Variants in TMEM131 observed in about 807,000 individuals in gnomAD.
The protein encoded by TMEM131 is transmembrane protein 131.
Under a neutral mutation model 211.6 loss-of-function variants are expected in TMEM131, and 66 were observed. That is an observed-to-expected ratio of 0.31 (90% CI 0.26 to 0.38). The LOEUF (loss-of-function observed/expected upper bound fraction) is 0.38, where lower values mean the gene tolerates loss of function less well. TMEM131 is among the 10% of genes least tolerant of loss of function. TMEM131 has a pLI of 1.00. For missense variants in TMEM131, 2,036 were observed against 2,299.3 expected, an observed-to-expected ratio of 0.89 and a Z score of 2.34; for synonymous variants, 844 against 841.3, an observed-to-expected ratio of 1.00 and a Z score of -0.06.
chr2:97,847,048 G>C (rs529937301), intron 5 of TMEM131, among the ~76,000 whole-genome samples: 1 of 138,890 alleles, frequency 7.2e-6, no homozygotes, highest in Non-Finnish European at 1.6e-5. Flanking sequence ...GTGTGATGGC[G>C]CGTGCCTGTA....
At chr2:97,909,938 T>C (rs1676226913) in intron 2 of TMEM131, among the ~76,000 whole-genome samples, 1 of 152,178 alleles carries the variant, frequency 6.6e-6, no homozygotes, top group Non-Finnish European at 1.5e-5. Flanking sequence ...TTATGAAAAT[T>C]ACATCTATTC....
chr2:97,928,315 G>GATTTAGTTA (rs1559453861), intron 1 of TMEM131, among the ~76,000 whole-genome samples: 25 of 152,022 alleles, frequency 1.6e-4, no homozygotes, highest in African/African-American at 5.6e-4. Flanking sequence ...TGGTTGCTAG[G>GATTTAGTTA]AGATCAGGGG....
At chr2:97,888,204 T>A (rs577914000) in intron 3 of TMEM131, 84 bp from the exon 4 acceptor site, 1 of 1,163,976 alleles carries the variant, frequency 8.6e-7, no homozygotes, top group African/African-American at 1.5e-5. Context: ...CTGACTTTTG[T>A]CATAACAATG....
chr2:97,931,279 A>G (rs1404603014), intron 1 of TMEM131, among the ~76,000 whole-genome samples: 1 of 151,794 alleles, frequency 6.6e-6, no homozygotes, highest in Non-Finnish European at 1.5e-5. Flanking sequence ...ACCGACCCAC[A>G]TCTCTAAGCT....
chr2:97,825,992 G>A (rs1682365152), intron 11 of TMEM131, among the ~76,000 whole-genome samples: 1 of 152,182 alleles, frequency 6.6e-6, no homozygotes, highest in African/African-American at 2.4e-5. Context: ...TACATGTGTG[G>A]CCCTCAGCCC....
At position 97,961,830 on chromosome 2, in the gene TMEM131, G is replaced by A. The variant is rs893906791; in HGVS notation, c.187+33646C>T. ...TGCTGCAACAGCTGAATATGCAAATGCACTTTAAAAAGTGAACTTACGGGA... is the reference window on the plus strand; with the variant it reads ...TGCTGCAACAGCTGAATATGCAAATACACTTTAAAAAGTGAACTTACGGGA... On this transcript the variant is annotated intron_variant, in intron 1 of 40. Transcript: ENST00000186436. Among the ~76,000 whole-genome samples the A allele has an allele frequency of 1.7e-4, 26 of 152,184 alleles. 1 individual carries two copies. The highest frequency in any genetic ancestry group is 6.2e-4 in the South Asian group (3 of 4,836).
chr2:97,949,783 G>T (rs902841297), intron 1 of TMEM131, among the ~76,000 whole-genome samples: 2 of 127,014 alleles, frequency 1.6e-5, no homozygotes, highest in Non-Finnish European at 3.1e-5. Context: ...CCATGCCACC[G>T]CACTCCAGCC....
At chr2:97,835,016 A>T in intron 8 of TMEM131, 91 bp from the exon 9 acceptor site, 5 of 1,382,440 alleles carry the variant, frequency 3.6e-6, no homozygotes, top group Non-Finnish European at 5.0e-6. Context: ...TGACTGAAAG[A>T]TGAGTATTCT....
intron 1 of TMEM131, among the ~76,000 whole-genome samples, chr2:97,971,495 G>A (rs184450075): frequency 3.3e-5 from 5 of 152,282 alleles, no homozygotes; most frequent in East Asian, 1.9e-4. Context: ...GTTTCTATAC[G>A]TTGCCAAATG....
At chr2:97,892,425 A>G (rs757999494) in intron 3 of TMEM131, among the ~76,000 whole-genome samples, 1 of 152,114 alleles carries the variant, frequency 6.6e-6, no homozygotes, top group African/African-American at 2.4e-5. Context: ...TAGTGGTCCA[A>G]TCATGGGTCA....
At chr2:97,869,803 T>C (rs371045861) in intron 4 of TMEM131, among the ~76,000 whole-genome samples, 1 of 152,236 alleles carries the variant, frequency 6.6e-6, no homozygotes, top group African/African-American at 2.4e-5. Flanking sequence ...TGCTTTTCTA[T>C]ACTATGTAAC....
intron 4 of TMEM131, among the ~76,000 whole-genome samples, chr2:97,886,307 T>C (rs1178643978): frequency 6.6e-6 from 1 of 152,242 alleles, no homozygotes; most frequent in Non-Finnish European, 1.5e-5. Context: ...TGTTTTCCTT[T>C]GGAGGCGTCA....
At position 97,995,604 on chromosome 2, in the gene TMEM131, G is replaced by A; in HGVS notation, c.59C>T (p.Ser20Phe). 8.0e-7 allele frequency: 1 copy of A among 1,249,478 alleles called. No homozygotes were observed. Among genetic ancestry groups the A allele is most frequent in the Non-Finnish European group, 1.0e-6 (1 of 997,396 alleles). 77.4% of individuals were successfully genotyped at this position (1,249,478 alleles called of 1,614,324 possible). ...TGATTAAVST[S>F]AGAGLEPAAA... The stretch of plus-strand genomic sequence containing the variant: ...CGCAGGTTCCAGCCCGGCCCCGGCG[G>A]ACGTGGAGACGGCGGCGGTGGTGGC... Residue 20 changes from serine to phenylalanine, a missense_variant, in exon 1 of 41, where the codon TCC becomes TTC. Coordinates refer to ENST00000186436, the MANE Select transcript of TMEM131 (RefSeq NM_015348.2).
At chr2:97,861,575 C>G (rs1340758246) in intron 4 of TMEM131, among the ~76,000 whole-genome samples, 1 of 151,746 alleles carries the variant, frequency 6.6e-6, no homozygotes, top group African/African-American at 2.4e-5. Flanking sequence ...CTGGTGGTAG[C>G]CTGGCGGTAT....
intron 2 of TMEM131, 34 bp from the exon 3 acceptor site, chr2:97,908,732 G>A: frequency 6.4e-7 from 1 of 1,564,656 alleles, no homozygotes. Context: ...TTAAAAAACT[G>A]AAGCCAAATA....
chr2:97,767,573 C>G (rs1679232064), intron 33 of TMEM131, among the ~76,000 whole-genome samples: 1 of 152,204 alleles, frequency 6.6e-6, no homozygotes, highest in African/African-American at 2.4e-5. Flanking sequence ...AGCCCAGTGG[C>G]CCCTTTGGAG....
At chr2:97,924,042 C>T (rs760493586) in intron 2 of TMEM131, among the ~76,000 whole-genome samples, 13 of 151,658 alleles carry the variant, frequency 8.6e-5, no homozygotes, top group Non-Finnish European at 1.5e-4. Flanking sequence ...ACTGCGCCAC[C>T]GCGCTCCAGC....
intron 2 of TMEM131, among the ~76,000 whole-genome samples, chr2:97,915,037 AT>A (rs770053633): frequency 1.3e-5 from 2 of 152,178 alleles, no homozygotes; most frequent in African/African-American, 2.4e-5. Context: ...CCTTGCCAGT[AT>A]TTGGTGTTGT....
At chr2:97,887,451 G>A (rs1675208381) in intron 4 of TMEM131, among the ~76,000 whole-genome samples, 1 of 152,150 alleles carries the variant, frequency 6.6e-6, no homozygotes, top group African/African-American at 2.4e-5. Context: ...TGCACTGTGG[G>A]GCTCTTTCTT....
Sources: allele counts gnomAD v4.1 joint callset (sites outside exome capture counted in the v4.1 genomes callset), GRCh38; gene constraint gnomAD v4.1.1; transcripts MANE v1.5; gene names NCBI Gene and HGNC (gene_info 2026-07-23, HGNC 2026-07-21).